NRXN1: variants seen among roughly 807,000 people sequenced by gnomAD.
NRXN1 encodes the protein neurexin 1, also known as neurexin-1.
A neutral mutation model predicts 150.9 loss-of-function variants in NRXN1; 39 were observed. The ratio of observed to expected loss-of-function variants is 0.26; its 90% CI spans 0.20 to 0.34. The LOEUF is 0.34. Among genes scored for constraint, NRXN1 ranks in the 10% least tolerant of loss-of-function variants. The probability of loss-of-function intolerance (pLI) is 1.00; values close to 1 mark genes in which losing one functional copy is unlikely to be tolerated. For synonymous variants in NRXN1, 924 were observed against 757.0 expected (o/e 1.22, Z -3.62); for missense variants, 1,815 against 1,949.9 (o/e 0.93, Z 1.30).
intron 5 of NRXN1, among the ~76,000 whole-genome samples, chr2:50,790,018 G>A (rs763145161): frequency 3.9e-5 from 6 of 152,108 alleles, no homozygotes; most frequent in African/African-American, 9.7e-5. Flanking sequence ...TCCTGGTGGT[G>A]GTGACATGCT....
chr2:50,847,410 G>A (rs928163305), intron 5 of NRXN1, among the ~76,000 whole-genome samples: 2 of 152,096 alleles, frequency 1.3e-5, no homozygotes, highest in African/African-American at 4.8e-5. Flanking sequence ...AGGTCTGACT[G>A]CAGGGGAAAC....
chr2:50,947,072 A>T (rs906661233), intron 2 of NRXN1, among the ~76,000 whole-genome samples: 1 of 152,104 alleles, frequency 6.6e-6, no homozygotes, highest in Non-Finnish European at 1.5e-5. Flanking sequence ...ATTTCTCTTA[A>T]TTCCAAATGT....
intron 5 of NRXN1, among the ~76,000 whole-genome samples, chr2:50,820,758 T>A (rs1468323777): frequency 6.6e-6 from 1 of 152,112 alleles, no homozygotes; most frequent in Non-Finnish European, 1.5e-5. Flanking sequence ...CAGGTTCCAG[T>A]TTCCAGATGT....
intron 17 of NRXN1, among the ~76,000 whole-genome samples, chr2:50,292,346 A>G (rs2073028491): frequency 6.6e-6 from 1 of 152,176 alleles, no homozygotes; most frequent in Non-Finnish European, 1.5e-5. Flanking sequence ...GGGTTATGAC[A>G]GAGACTTATC....
intron 18 of NRXN1, among the ~76,000 whole-genome samples, chr2:50,124,392 G>A (rs1458816323): frequency 1.3e-5 from 2 of 152,092 alleles, no homozygotes; most frequent in African/African-American, 2.4e-5. Flanking sequence ...CTAGAACTCT[G>A]AACATCATTT....
At chr2:51,013,398 T>C (rs1173281152) in intron 2 of NRXN1, among the ~76,000 whole-genome samples, 1 of 151,828 alleles carries the variant, frequency 6.6e-6, no homozygotes, top group African/African-American at 2.4e-5. Flanking sequence ...GTTGGTGACA[T>C]ATTTTATGCA....
intron 18 of NRXN1, among the ~76,000 whole-genome samples, chr2:50,096,728 T>C (rs1289584638): frequency 6.6e-6 from 1 of 152,228 alleles, no homozygotes; most frequent in Non-Finnish European, 1.5e-5. Flanking sequence ...ATGGTAATTA[T>C]TGATTTTTTT....
chr2:50,163,186 A>AT (rs10671380), intron 18 of NRXN1, among the ~76,000 whole-genome samples: 4 of 143,500 alleles, frequency 2.8e-5, no homozygotes, highest in African/African-American at 5.3e-5. Flanking sequence ...ATATATATAT[A>AT]AAACAATACT....
At chr2:50,322,358 T>A (rs2076104577) in intron 17 of NRXN1, among the ~76,000 whole-genome samples, 1 of 152,184 alleles carries the variant, frequency 6.6e-6, no homozygotes, top group Non-Finnish European at 1.5e-5. Flanking sequence ...CATTTAATAA[T>A]CTGACCATCA....
At chr2:50,180,839 A>G (rs940941618) in intron 18 of NRXN1, among the ~76,000 whole-genome samples, 1 of 152,178 alleles carries the variant, frequency 6.6e-6, no homozygotes, top group East Asian at 1.9e-4. Context: ...TCTTGCATGC[A>G]CTGATAATTG....
intron 17 of NRXN1, among the ~76,000 whole-genome samples, chr2:50,312,419 G>T (rs117129288): frequency 6.6e-6 from 1 of 151,196 alleles, no homozygotes; most frequent in Non-Finnish European, 1.5e-5. Context: ...GCTGTTCTTT[G>T]TGGGTTTTTT....
intron 18 of NRXN1, among the ~76,000 whole-genome samples, chr2:50,206,921 CAT>C (rs1312583673): frequency 5.9e-5 from 9 of 151,528 alleles, no homozygotes; most frequent in African/African-American, 2.2e-4. Flanking sequence ...TATACACACA[CAT>C]ACAAACCCAG....
intron 17 of NRXN1, among the ~76,000 whole-genome samples, chr2:50,361,695 T>C (rs2079207888): frequency 6.6e-6 from 1 of 152,150 alleles, no homozygotes; most frequent in African/African-American, 2.4e-5. Context: ...TACCATTCCT[T>C]CTGAAACTAA....
intron 8 of NRXN1, among the ~76,000 whole-genome samples, chr2:50,602,625 C>A (rs1676463815): frequency 6.6e-6 from 1 of 152,020 alleles, no homozygotes; most frequent in South Asian, 2.1e-4. Flanking sequence ...CTTTCTGCCC[C>A]CTTTGCTCCC....
rs534988054 is a variant in NRXN1 at position 50,173,342 on chromosome 2, A to G, written c.3546+63447T>C. Among the ~76,000 whole-genome samples the G allele has an allele frequency of 5.0e-4, 76 of 152,308 alleles. No individual in the cohort carries two copies. In the South Asian group the frequency reaches 5.6e-3, roughly 11 times the overall value. ...TGATTATTATTGTTCCTAGTTCAAA[A>G]TATTTTAGGCCTTATCAATGGCAAT... On this transcript the variant is annotated intron_variant, in intron 18 of 22. Transcript: ENST00000401669.
chr2:50,789,611 C>T (rs374209195), intron 5 of NRXN1, among the ~76,000 whole-genome samples: 2 of 152,116 alleles, frequency 1.3e-5, no homozygotes, highest in Admixed American at 6.5e-5. Flanking sequence ...TGAACAAACA[C>T]GCATTGATTT....
At chr2:50,360,114 A>C (rs1174460639) in intron 17 of NRXN1, among the ~76,000 whole-genome samples, 1 of 152,224 alleles carries the variant, frequency 6.6e-6, no homozygotes, top group Admixed American at 6.5e-5. Context: ...GAAGCACTAA[A>C]TATGGAAAGG....
intron 5 of NRXN1, among the ~76,000 whole-genome samples, chr2:50,858,814 T>C (rs1296288201): frequency 1.3e-5 from 2 of 152,136 alleles, no homozygotes; most frequent in East Asian, 1.9e-4. Flanking sequence ...CAATTTTATC[T>C]AGAACAGAAC....
At chr2:50,619,255 T>C (rs1372468316) in intron 8 of NRXN1, 1 of 152,194 alleles carries the variant, frequency 6.6e-6, no homozygotes. Context: ...GAGGAACCTC[T>C]GGTTCCAGTA....
Sources: allele counts gnomAD v4.1 joint callset (sites outside exome capture counted in the v4.1 genomes callset), GRCh38; gene constraint gnomAD v4.1.1; transcripts MANE v1.5; gene names NCBI Gene and HGNC (gene_info 2026-07-23, HGNC 2026-07-21).